The following CLEC16A variants were observed in gnomAD, a reference collection of about 807,000 sequenced individuals.
The protein encoded by CLEC16A is C-type lectin domain containing 16A.
In CLEC16A, 51 loss-of-function variants were observed where a neutral mutation model predicts 109.5. The ratio of observed to expected loss-of-function variants is 0.47; its 90% CI spans 0.37 to 0.59. CLEC16A has a LOEUF of 0.59. CLEC16A is among the 20% of genes least tolerant of loss of function. The probability of loss-of-function intolerance (pLI) is 0.00; values close to 1 mark genes in which losing one functional copy is unlikely to be tolerated. For synonymous variants in CLEC16A, 673 were observed against 564.2 expected (o/e 1.19, Z -2.73); for missense variants, 1,339 against 1,394.0 (o/e 0.96, Z 0.63).
intron 22 of CLEC16A, among the ~76,000 whole-genome samples, chr16:11,127,505 C>T (rs1288618456): frequency 8.5e-5 from 13 of 152,204 alleles, no homozygotes; most frequent in African/African-American, 3.1e-4. Flanking sequence ...GTAGTCCCAA[C>T]GTGAACTCTA....
intron 20 of CLEC16A, 32 bp downstream of exon 20, chr16:11,120,798 T>A (rs12925474): frequency 6.8e-7 from 1 of 1,466,096 alleles, no homozygotes; most frequent in South Asian, 1.4e-5. Flanking sequence ...GGATCTGTTC[T>A]CAGTTGGCTA....
intron 10 of CLEC16A, among the ~76,000 whole-genome samples, chr16:10,991,423 C>CAAAAAAAAAAAA (rs756161193): frequency 1.6e-5 from 1 of 63,340 alleles, no homozygotes; most frequent in African/African-American, 4.5e-5. Flanking sequence ...GACTCCGTCT[C>CAAAAAAAAAAAA]AAAAAAAAAA....
chr16:11,093,128 T>A (rs2050408623), intron 19 of CLEC16A, among the ~76,000 whole-genome samples: 1 of 152,136 alleles, frequency 6.6e-6, no homozygotes, highest in South Asian at 2.1e-4. Context: ...TGCACCCCCT[T>A]CTCATGGTGC....
In CLEC16A at chr16:11,120,775, G is replaced by T; in HGVS notation, c.2268+9G>T. 1 of 1,515,900 alleles carries T rather than the reference G, an allele frequency of 6.6e-7. No individual in the cohort carries two copies. Among genetic ancestry groups the T allele is most frequent in the Non-Finnish European group, 8.9e-7 (1 of 1,124,512 alleles). The allele number at this position is 1,515,900 out of a possible 1,614,324, so 93.9% of individuals were successfully genotyped here. A position where few individuals can be genotyped will look rare whatever the true frequency, so the allele number is the denominator to read the frequency against. On this transcript the variant is annotated intron_variant, in intron 20 of 23. Transcript: ENST00000409790. Reference sequence around the variant, plus strand: ...TTGCAGGCCTATTGCAGGTAAGATGGCCAGGAGCTCTGGGATCTGTTCTCA... The same window carrying T: ...TTGCAGGCCTATTGCAGGTAAGATGTCCAGGAGCTCTGGGATCTGTTCTCA...
intron 19 of CLEC16A, among the ~76,000 whole-genome samples, chr16:11,075,722 C>T (rs944052645): frequency 2.0e-5 from 3 of 152,076 alleles, no homozygotes; most frequent in Non-Finnish European, 4.4e-5. Context: ...CAGGTGTGAG[C>T]CCCTGCGCCT....
chr16:11,133,207 C>G, intron 22 of CLEC16A, among the ~76,000 whole-genome samples: 1 of 152,050 alleles, frequency 6.6e-6, no homozygotes, highest in Admixed American at 6.5e-5. Flanking sequence ...AGTGTGGTGG[C>G]GGGCACCTGT....
chr16:10,988,827 G>A (rs1212930328), intron 10 of CLEC16A, among the ~76,000 whole-genome samples: 1 of 152,174 alleles, frequency 6.6e-6, no homozygotes, highest in Non-Finnish European at 1.5e-5. Context: ...TAAGTGCCGT[G>A]TAAAGTGCTT....
At chr16:10,980,065 A>T (rs1265265805) in intron 9 of CLEC16A, among the ~76,000 whole-genome samples, 6 of 152,254 alleles carry the variant, frequency 3.9e-5, no homozygotes, top group African/African-American at 1.4e-4. Flanking sequence ...ACTATTAAGT[A>T]GTCCAGCATT....
intron 5 of CLEC16A, among the ~76,000 whole-genome samples, chr16:10,972,082 C>T (rs2042818084): frequency 6.6e-6 from 1 of 152,168 alleles, no homozygotes; most frequent in South Asian, 2.1e-4. Flanking sequence ...GACCTGTGGG[C>T]CATATCCAGC....
At chr16:11,097,185 C>T (rs1328091990) in intron 19 of CLEC16A, among the ~76,000 whole-genome samples, 2 of 152,208 alleles carry the variant, frequency 1.3e-5, no homozygotes, top group Non-Finnish European at 2.9e-5. Flanking sequence ...ACATGCCCAG[C>T]TGAAAGACTT....
chr16:11,035,039 A>G (rs939721291), intron 13 of CLEC16A, among the ~76,000 whole-genome samples: 1 of 152,140 alleles, frequency 6.6e-6, no homozygotes, highest in African/African-American at 2.4e-5. Flanking sequence ...ACCATCAGCC[A>G]CCAGGTTGTT....
At chr16:11,067,516 G>A (rs548861295) in intron 19 of CLEC16A, among the ~76,000 whole-genome samples, 14 of 152,174 alleles carry the variant, frequency 9.2e-5, no homozygotes, top group African/African-American at 9.7e-5. Flanking sequence ...CCACAGAGTC[G>A]GGGAGTGGGA....
chr16:11,070,805 C>T (rs1279533202), intron 19 of CLEC16A: 1 of 152,248 alleles, frequency 6.6e-6, no homozygotes, highest in East Asian at 1.9e-4. Flanking sequence ...TGCCTTCTTA[C>T]CAACCCCAAC....
chr16:10,978,173 T>G (rs1225690867), intron 8 of CLEC16A, among the ~76,000 whole-genome samples: 1 of 152,186 alleles, frequency 6.6e-6, no homozygotes, highest in Non-Finnish European at 1.5e-5. Context: ...CAGAGGCCTG[T>G]GGGGATGACG....
chr16:11,116,045 C>T (rs1392164693), intron 19 of CLEC16A, among the ~76,000 whole-genome samples: 2 of 151,856 alleles, frequency 1.3e-5, no homozygotes, highest in African/African-American at 4.8e-5. Context: ...TTTTCAAATA[C>T]CCGGCTGGAC....
intron 3 of CLEC16A, among the ~76,000 whole-genome samples, chr16:10,963,947 G>A (rs1008859184): frequency 2.6e-5 from 4 of 152,232 alleles, no homozygotes; most frequent in African/African-American, 7.2e-5. Context: ...AGAAACCCTG[G>A]TTTGGTTCCT....
rs118084679 is a variant in CLEC16A at position 11,071,788 on chromosome 16, G to A, written c.2116+10766G>A. On this transcript the variant is annotated intron_variant, in intron 19 of 23. Transcript: ENST00000409790. ...TTTTTTTTTTTTTTTTTAAGATGAG[G>A]TTTCGCTGTGTTGCCCAGGCTGGTC... Among the ~76,000 whole-genome samples the A allele has an allele frequency of 6.0e-3, 829 of 139,054 alleles. 18 individuals carry two copies. In the East Asian group the frequency reaches 0.091, roughly 15 times the overall value. The allele number at this position is 139,054 out of a possible 152,430, so 91.2% of individuals were successfully genotyped here. A position where few individuals can be genotyped will look rare whatever the true frequency, so the allele number is the denominator to read the frequency against.
Position 10,964,023 on chromosome 16 carries a change from C to T in CLEC16A, c.343+1435C>T, listed in dbSNP as rs114497746. Among the ~76,000 whole-genome samples the T allele has an allele frequency of 9.6e-3, 1,466 of 152,344 alleles. 19 individuals carry two copies. The highest frequency in any genetic ancestry group is 0.033 in the African/African-American group (1,382 of 41,574). Reference sequence around the variant, plus strand: ...GACTTCACCAAGCCCGGGCCCTGCCCGCCAGAAGTGGGGGACAAGTGGCCA... The same window carrying T: ...GACTTCACCAAGCCCGGGCCCTGCCTGCCAGAAGTGGGGGACAAGTGGCCA... On this transcript the variant is annotated intron_variant, in intron 3 of 23. Transcript: ENST00000409790.
At chr16:11,049,317 T>A (rs947535438) in intron 17 of CLEC16A, among the ~76,000 whole-genome samples, 10 of 152,152 alleles carry the variant, frequency 6.6e-5, no homozygotes, top group Non-Finnish European at 1.5e-4. Context: ...TTTTTTTTTT[T>A]AAATCCGTAA....
Sources: allele counts gnomAD v4.1 joint callset (sites outside exome capture counted in the v4.1 genomes callset), GRCh38; gene constraint gnomAD v4.1.1; transcripts MANE v1.5; gene names NCBI Gene and HGNC (gene_info 2026-07-23, HGNC 2026-07-21).